ADARB2: variants seen among roughly 807,000 people sequenced by gnomAD.
The protein encoded by ADARB2 is inactive double-stranded RNA-specific editase B2.
In ADARB2, 25 loss-of-function variants were observed where a neutral mutation model predicts 62.2. The observed-to-expected ratio is 0.40, with a 90% CI of 0.29 to 0.56. The LOEUF is 0.56. Among genes scored for constraint, ADARB2 ranks in the 20% least tolerant of loss-of-function variants. The pLI, the probability that ADARB2 is intolerant of heterozygous loss-of-function variation, is 0.43. For missense variants in ADARB2, 1,071 were observed against 1,077.4 expected, an observed-to-expected ratio of 0.99 and a Z score of 0.08; for synonymous variants, 572 against 500.8, an observed-to-expected ratio of 1.14 and a Z score of -1.90.
chr10:1,308,395 G>A (rs1351920335), intron 3 of ADARB2, among the ~76,000 whole-genome samples: 1 of 152,220 alleles, frequency 6.6e-6, no homozygotes, highest in South Asian at 2.1e-4. Flanking sequence ...TGTATCCACT[G>A]GCTTACTGAA....
At chr10:1,190,311 A>C (rs898542258) in intron 8 of ADARB2, among the ~76,000 whole-genome samples, 4 of 150,818 alleles carry the variant, frequency 2.7e-5, no homozygotes, top group African/African-American at 1.0e-4. Flanking sequence ...AATTCCTGTG[A>C]ACCTCTGGCA....
chr10:1,631,879 A>G (rs1833847961), intron 1 of ADARB2, among the ~76,000 whole-genome samples: 1 of 152,210 alleles, frequency 6.6e-6, no homozygotes, highest in African/African-American at 2.4e-5. Context: ...CTAAACAACA[A>G]CTTTTCTCTC....
At chr10:1,491,173 A>G (rs891973209) in intron 1 of ADARB2, among the ~76,000 whole-genome samples, 2 of 152,150 alleles carry the variant, frequency 1.3e-5, no homozygotes, top group African/African-American at 4.8e-5. Flanking sequence ...GGCTTAAGCA[A>G]TCCTCCCACC....
intron 1 of ADARB2, among the ~76,000 whole-genome samples, chr10:1,521,767 A>C (rs1421385767): frequency 7.1e-6 from 1 of 141,134 alleles, no homozygotes; most frequent in Non-Finnish European, 1.5e-5. Context: ...TGGAAGGGGC[A>C]CCCCCCCATC....
intron 1 of ADARB2, among the ~76,000 whole-genome samples, chr10:1,554,657 C>T (rs1405565025): frequency 6.6e-6 from 1 of 152,222 alleles, no homozygotes; most frequent in Non-Finnish European, 1.5e-5. Flanking sequence ...TTTCCGATTT[C>T]AAGCAACATG....
chr10:1,293,900 C>T (rs557203405), intron 3 of ADARB2, among the ~76,000 whole-genome samples: 6 of 151,968 alleles, frequency 3.9e-5, no homozygotes, highest in Non-Finnish European at 5.9e-5. Context: ...TGATGCCTCT[C>T]GGAGTGTCGG....
chr10:1,648,362 G>A (rs35435731), intron 1 of ADARB2, among the ~76,000 whole-genome samples: 70,751 of 151,620 alleles, frequency 0.47, 16,661 homozygotes, highest in South Asian at 0.53. Context: ...AAGAGCCGTG[G>A]GCTTGATTTC....
At chr10:1,617,226 G>A (rs112539092) in intron 1 of ADARB2, among the ~76,000 whole-genome samples, 3,702 of 93,340 alleles carry the variant, frequency 0.04, no homozygotes, top group African/African-American at 0.056. Context: ...ACTCCACACC[G>A]CCCTGCTGTG....
rs572360765 is a variant in ADARB2, at chr10:1,537,836, C to T, written c.101-158676G>A. 2.0e-4 allele frequency among the ~76,000 whole-genome samples: 30 copies of T among 152,150 alleles called. No individual in the cohort carries two copies. The East Asian group carries it at 4.8e-3, about 25-fold the overall frequency. ...AGGGGGTGAGGGGTGAGGGGAGGGA[C>T]AGCATTAGGACAAATACCTAATGCA... is the stretch of plus-strand genomic sequence containing the variant. On this transcript the variant is annotated intron_variant, in intron 1 of 9. Coordinates refer to ENST00000381312, the MANE Select transcript of ADARB2 (RefSeq NM_018702.4).
intron 1 of ADARB2, among the ~76,000 whole-genome samples, chr10:1,411,355 C>T (rs1343325135): frequency 1.3e-5 from 2 of 152,208 alleles, no homozygotes; most frequent in African/African-American, 2.4e-5. Context: ...TTAGCCCACC[C>T]GTCCCCACCA....
intron 1 of ADARB2, among the ~76,000 whole-genome samples, chr10:1,443,611 A>G (rs1564290337): frequency 6.6e-6 from 1 of 152,180 alleles, no homozygotes; most frequent in Non-Finnish European, 1.5e-5. Context: ...TTAATGTTTT[A>G]AGACTATTAA....
intron 1 of ADARB2, among the ~76,000 whole-genome samples, chr10:1,481,634 G>A (rs529821623): frequency 0.011 from 215 of 20,074 alleles, 1 homozygote; most frequent in East Asian, 0.33. Context: ...TGAAGTGTGC[G>A]GATCACGAGG....
chr10:1,715,204 G>C (rs1835003220), intron 1 of ADARB2, among the ~76,000 whole-genome samples: 2 of 151,508 alleles, frequency 1.3e-5, no homozygotes, highest in African/African-American at 4.9e-5. Context: ...TTCCCTTTTT[G>C]CCTTGACTGC....
chr10:1,553,449 C>T (rs901773780), intron 1 of ADARB2, among the ~76,000 whole-genome samples: 5 of 152,142 alleles, frequency 3.3e-5, no homozygotes, highest in African/African-American at 9.7e-5. Context: ...GTTTGGCCTG[C>T]TCCCAGGAAG....
At chr10:1,658,440 TTCTC>T (rs1186065347) in intron 1 of ADARB2, among the ~76,000 whole-genome samples, 2 of 152,194 alleles carry the variant, frequency 1.3e-5, no homozygotes, top group South Asian at 2.1e-4. Context: ...CTCTCTGTTT[TTCTC>T]TCTCTGTGTA....
chr10:1,722,760 T>A (rs575137902), intron 1 of ADARB2, among the ~76,000 whole-genome samples: 1 of 152,360 alleles, frequency 6.6e-6, no homozygotes, highest in East Asian at 1.9e-4. Flanking sequence ...TGGAATTCAA[T>A]GTACTTATTA....
At chr10:1,251,116 TGAA>T (rs139593721) in intron 4 of ADARB2, among the ~76,000 whole-genome samples, 2,414 of 152,318 alleles carry the variant, frequency 0.016, 31 homozygotes, top group Non-Finnish European at 0.023. Context: ...ATGTAAGAAA[TGAA>T]GAACTGTATT....
At chr10:1,485,819 C>T (rs748506558) in intron 1 of ADARB2, among the ~76,000 whole-genome samples, 5 of 152,172 alleles carry the variant, frequency 3.3e-5, no homozygotes, top group Admixed American at 1.3e-4. Flanking sequence ...AAACCAGAAA[C>T]GATTCTAATT....
intron 3 of ADARB2, among the ~76,000 whole-genome samples, chr10:1,352,116 C>T (rs1488466863): frequency 2.0e-5 from 3 of 152,040 alleles, no homozygotes; most frequent in African/African-American, 7.3e-5. Flanking sequence ...AGACAGCCCC[C>T]ATTACTTCAG....
Sources: allele counts gnomAD v4.1 joint callset (sites outside exome capture counted in the v4.1 genomes callset), GRCh38; gene constraint gnomAD v4.1.1; transcripts MANE v1.5; gene names NCBI Gene and HGNC (gene_info 2026-07-23, HGNC 2026-07-21).